NEBL: variants seen among roughly 807,000 people sequenced by gnomAD.
NEBL encodes the protein nebulette.
NEBL carries 122 observed loss-of-function variants against 140.2 expected under a neutral mutation model. That is an observed-to-expected ratio of 0.87 (90% confidence interval 0.75 to 1.01). The LOEUF (loss-of-function observed/expected upper bound fraction) is 1.01, where lower values mean the gene tolerates loss of function less well. Ranked by LOEUF, NEBL falls within the 50% of genes least tolerant of loss-of-function variation. The pLI is 0.00. For synonymous variants in NEBL, 436 were observed against 398.9 expected, an observed-to-expected ratio of 1.09 and a Z score of -1.11; for missense variants, 1,365 against 1,231.3, an observed-to-expected ratio of 1.11 and a Z score of -1.62.
At chr10:20,852,454 T>C (rs1016722046) in intron 10 of NEBL, 91 bp downstream of exon 10, 2 of 823,102 alleles carry the variant, frequency 2.4e-6, no homozygotes, top group South Asian at 2.7e-5. Flanking sequence ...CTGTACTTTC[T>C]CAGTTAAGAC....
intron 1 of NEBL, among the ~76,000 whole-genome samples, chr10:21,285,658 T>G (rs1334407630): frequency 6.6e-6 from 1 of 152,210 alleles, no homozygotes; most frequent in African/African-American, 2.4e-5. Context: ...AACTGACACC[T>G]GTCTTGAATT....
intron 3 of NEBL, among the ~76,000 whole-genome samples, chr10:21,019,955 G>C (rs1838718426): frequency 6.6e-6 from 1 of 152,206 alleles, no homozygotes; most frequent in African/African-American, 2.4e-5. Context: ...GAACAGTACA[G>C]ATGTTCAACA....
intron 2 of NEBL, among the ~76,000 whole-genome samples, chr10:21,149,112 G>A (rs1840034462): frequency 6.6e-6 from 1 of 152,054 alleles, no homozygotes; most frequent in Admixed American, 6.5e-5. Flanking sequence ...TTTCTCCATG[G>A]GTGTCCACGC....
chr10:21,183,908 G>A (rs1446589146), intron 3 of NEBL, among the ~76,000 whole-genome samples: 4 of 152,108 alleles, frequency 2.6e-5, no homozygotes, highest in Admixed American at 1.3e-4. Context: ...AGATCTGATG[G>A]TTTTATTAAG....
chr10:21,284,490 C>T (rs1267872538), intron 1 of NEBL, among the ~76,000 whole-genome samples: 1 of 152,042 alleles, frequency 6.6e-6, no homozygotes, highest in Non-Finnish European at 1.5e-5. Context: ...ACTCAATAGC[C>T]ATCTGTTTGT....
At chr10:20,973,147 A>G (rs1188727298) in intron 3 of NEBL, among the ~76,000 whole-genome samples, 2 of 152,210 alleles carry the variant, frequency 1.3e-5, no homozygotes, top group Non-Finnish European at 2.9e-5. Flanking sequence ...GGTATGATTT[A>G]TTGAAGACCT....
intron 2 of NEBL, among the ~76,000 whole-genome samples, chr10:20,895,145 T>A (rs754654813): frequency 6.6e-6 from 1 of 152,010 alleles, no homozygotes. Flanking sequence ...TGATAGACAA[T>A]CTTATCCAAA....
At position 20,852,671 on chromosome 10, in the gene NEBL, T is replaced by C. The variant is rs1182213930; in HGVS notation, c.904-22A>G. The C allele has an allele frequency of 2.6e-6, 4 of 1,545,762 alleles. No individual in the cohort carries two copies. The African/African-American group carries it at 5.4e-5, about 21-fold the overall frequency. On this transcript the variant is annotated intron_variant, in intron 9 of 27. Transcript: ENST00000377122. ...CTCGCTAAAATACAGAATGGGGAAA[T>C]CAACTTAGAATCAAAGAGACTGATT...
chr10:21,126,711 T>C (rs1241871098), intron 2 of NEBL, among the ~76,000 whole-genome samples: 2 of 152,008 alleles, frequency 1.3e-5, no homozygotes, highest in Admixed American at 6.6e-5. Context: ...CGGTGGCTCA[T>C]GCCTGTAATC....
chr10:20,823,114 A>C, intron 19 of NEBL, 94 bp downstream of exon 19: 3 of 928,288 alleles, frequency 3.2e-6, no homozygotes, highest in Non-Finnish European at 5.0e-6. Flanking sequence ...AATGAGGTTC[A>C]TTGTGATGGC....
chr10:21,077,855 GA>G (rs758531141), intron 2 of NEBL, among the ~76,000 whole-genome samples: 195 of 152,176 alleles, frequency 1.3e-3, no homozygotes, highest in Non-Finnish European at 2.1e-3. Context: ...AGAACTGATA[GA>G]CCTTTCAACA....
chr10:21,246,687 C>A (rs1423422864), intron 3 of NEBL, among the ~76,000 whole-genome samples: 2 of 151,976 alleles, frequency 1.3e-5, no homozygotes, highest in East Asian at 1.9e-4. Context: ...ATAAAAAAAT[C>A]ATCGAGCGTG....
intron 5 of NEBL, among the ~76,000 whole-genome samples, chr10:20,876,824 T>C (rs995421289): frequency 1.3e-5 from 2 of 152,216 alleles, no homozygotes; most frequent in Non-Finnish European, 2.9e-5. Context: ...AGGGCTTTCA[T>C]TATAAGCCCA....
intron 3 of NEBL, among the ~76,000 whole-genome samples, chr10:21,018,091 G>A (rs183458411): frequency 3.8e-4 from 58 of 152,132 alleles, no homozygotes; most frequent in Admixed American, 1.4e-3. Context: ...CAAAGTGCTC[G>A]GATTACAGGC....
chr10:20,945,767 G>A (rs895811938), intron 4 of NEBL, among the ~76,000 whole-genome samples: 8 of 152,164 alleles, frequency 5.3e-5, no homozygotes, highest in Non-Finnish European at 1.0e-4. Context: ...AAGGGCTCCA[G>A]ATATAACATA....
chr10:20,890,739 C>T lies in NEBL; in HGVS notation c.154-790G>A, dbSNP rs558344288. Among the ~76,000 whole-genome samples the T allele has an allele frequency of 9.2e-5, 14 of 152,312 alleles. No individual in the cohort carries two copies. In the East Asian group the frequency reaches 1.7e-3, roughly 19 times the overall value. On this transcript the variant is annotated intron_variant, in intron 2 of 27. Transcript: ENST00000377122. ...TTGGGGATAGGCCAGAATTGTTATG[C>T]CGGGGGAAGACCCGGGTGGATATTT...
At chr10:20,898,947 C>G (rs758557968), upstream of NEBL, among the ~76,000 whole-genome samples, 1 of 152,138 alleles carries the variant, frequency 6.6e-6, no homozygotes, top group Non-Finnish European at 1.5e-5. Context: ...GTTTTTGATA[C>G]AGGCTAAATT....
At chr10:21,213,789 T>A (rs1166191310) in intron 3 of NEBL, among the ~76,000 whole-genome samples, 2 of 152,152 alleles carry the variant, frequency 1.3e-5, no homozygotes, top group Non-Finnish European at 2.9e-5. Flanking sequence ...ACTGCAAATA[T>A]TCCTCTCTTA....
intron 2 of NEBL, among the ~76,000 whole-genome samples, chr10:21,158,371 C>T (rs1035620617): frequency 6.6e-6 from 1 of 152,172 alleles, no homozygotes; most frequent in Non-Finnish European, 1.5e-5. Flanking sequence ...TACTCTATGT[C>T]AACTATTTAC....
Sources: gnomAD v4.1 joint callset for allele counts (sites outside exome capture counted in the v4.1 genomes callset) on GRCh38, gnomAD v4.1.1 for gene constraint, MANE v1.5 for transcripts, NCBI Gene and HGNC (gene_info 2026-07-23, HGNC 2026-07-21) for gene names.